The following CDH12 variants were observed in gnomAD, a reference collection of about 807,000 sequenced individuals.
The protein encoded by CDH12 is cadherin-12.
In CDH12, 41 loss-of-function variants were observed where a neutral mutation model predicts 74.1. The observed-to-expected ratio is 0.55, with a 90% CI of 0.43 to 0.72. The LOEUF is 0.72. Ranked by LOEUF, CDH12 falls within the 30% of genes least tolerant of loss-of-function variation. The pLI is 0.00. For synonymous variants in CDH12, 399 were observed against 355.0 expected (o/e 1.12, Z -1.39); for missense variants, 945 against 977.2 (o/e 0.97, Z 0.44).
chr5:22,667,177 T>G (rs1189202965), intron 1 of CDH12, among the ~76,000 whole-genome samples: 2 of 152,224 alleles, frequency 1.3e-5, no homozygotes, highest in Non-Finnish European at 2.9e-5. Context: ...AAATTTCTTC[T>G]TTTTTCTTCT....
chr5:21,941,692 T>C (rs951653205), intron 6 of CDH12, among the ~76,000 whole-genome samples: 8 of 152,086 alleles, frequency 5.3e-5, no homozygotes, highest in Admixed American at 6.6e-5. Flanking sequence ...AAGAGAGAGA[T>C]ATTAAGTGAC....
intron 6 of CDH12, among the ~76,000 whole-genome samples, chr5:21,937,975 T>C (rs1755150112): frequency 6.6e-6 from 1 of 152,302 alleles, no homozygotes; most frequent in Admixed American, 6.5e-5. Context: ...AGCCTTTTCC[T>C]GACCTTCCAT....
At chr5:21,877,966 G>A (rs1016225003) in intron 6 of CDH12, among the ~76,000 whole-genome samples, 8 of 152,196 alleles carry the variant, frequency 5.3e-5, no homozygotes, top group African/African-American at 1.9e-4. Flanking sequence ...GAAGGCAAGT[G>A]AACTTGATAC....
intron 5 of CDH12, among the ~76,000 whole-genome samples, chr5:22,013,919 T>C (rs1158008310): frequency 1.3e-5 from 2 of 152,094 alleles, no homozygotes; most frequent in Non-Finnish European, 2.9e-5. Flanking sequence ...GAGTGAGAAA[T>C]TGCCTTATAA....
chr5:22,591,757 T>C (rs1736336439), intron 1 of CDH12, among the ~76,000 whole-genome samples: 2 of 152,144 alleles, frequency 1.3e-5, no homozygotes, highest in African/African-American at 2.4e-5. Flanking sequence ...TTTATAGATA[T>C]TGTATATTAT....
At chr5:22,641,753 C>T (rs143319442) in intron 1 of CDH12, among the ~76,000 whole-genome samples, 1 of 152,164 alleles carries the variant, frequency 6.6e-6, no homozygotes, top group Non-Finnish European at 1.5e-5. Context: ...GTGGCTTATA[C>T]TAAAAAGATA....
At chr5:22,526,019 T>A (rs1362368821) in intron 1 of CDH12, among the ~76,000 whole-genome samples, 1 of 152,316 alleles carries the variant, frequency 6.6e-6, no homozygotes, top group East Asian at 1.9e-4. Flanking sequence ...TTATCTCTAC[T>A]GGTCTGCCTT....
intron 3 of CDH12, among the ~76,000 whole-genome samples, chr5:22,238,839 G>A (rs936154876): frequency 6.6e-6 from 1 of 152,120 alleles, no homozygotes; most frequent in Non-Finnish European, 1.5e-5. Context: ...TTGGGCTTTA[G>A]GGAAAGCTCC....
chr5:22,413,569 A>T (rs1031708701), intron 2 of CDH12, among the ~76,000 whole-genome samples: 9 of 152,060 alleles, frequency 5.9e-5, no homozygotes, highest in Non-Finnish European at 1.0e-4. Context: ...ACGGGCAGTG[A>T]GGATGCAGAC....
At chr5:22,124,007 T>A (rs979493138) in intron 4 of CDH12, among the ~76,000 whole-genome samples, 4 of 151,656 alleles carry the variant, frequency 2.6e-5, no homozygotes, top group South Asian at 2.1e-4. Flanking sequence ...TCGCTCTGTC[T>A]CCCAGGCTGG....
intron 12 of CDH12, 29 bp from the exon 13 acceptor site, chr5:21,760,704 C>A: frequency 1.5e-6 from 2 of 1,338,420 alleles, no homozygotes; most frequent in South Asian, 2.4e-5. Flanking sequence ...TAAAGTCGGT[C>A]ATCAGTTTCA....
intron 3 of CDH12, among the ~76,000 whole-genome samples, chr5:22,240,395 C>T (rs7443505): frequency 2.0e-5 from 3 of 151,822 alleles, no homozygotes; most frequent in East Asian, 3.9e-4. Context: ...ACCAGGCATG[C>T]GAGAAAGGAG....
chr5:21,762,984 G>T (rs1579654268), intron 12 of CDH12, among the ~76,000 whole-genome samples: 2 of 151,272 alleles, frequency 1.3e-5, no homozygotes, highest in Admixed American at 6.6e-5. Flanking sequence ...ACCAAATCAG[G>T]TTATTTATTC....
intron 9 of CDH12, among the ~76,000 whole-genome samples, chr5:21,807,236 T>C (rs1446808336): frequency 1.3e-5 from 2 of 152,148 alleles, no homozygotes; most frequent in Non-Finnish European, 2.9e-5. Context: ...TACACCCTTA[T>C]GATGACATCC....
chr5:22,772,597 C>T (rs895507115), intron 1 of CDH12, among the ~76,000 whole-genome samples: 6 of 151,924 alleles, frequency 3.9e-5, no homozygotes, highest in Non-Finnish European at 7.4e-5. Flanking sequence ...GTATCTCACA[C>T]GTTTTTTTTA....
chr5:21,831,630 T>A (rs1171626917), intron 8 of CDH12, among the ~76,000 whole-genome samples: 1 of 151,748 alleles, frequency 6.6e-6, no homozygotes, highest in East Asian at 1.9e-4. Context: ...TATGGGGAGA[T>A]CACAGCCAGA....
At chr5:22,404,764 C>A (rs571030931) in intron 3 of CDH12, among the ~76,000 whole-genome samples, 1 of 152,106 alleles carries the variant, frequency 6.6e-6, no homozygotes, top group African/African-American at 2.4e-5. Context: ...GGAATGCCAG[C>A]GTTTCTGTGT....
At chr5:22,248,889 T>C (rs1324023500) in intron 3 of CDH12, among the ~76,000 whole-genome samples, 1 of 152,020 alleles carries the variant, frequency 6.6e-6, no homozygotes, top group Non-Finnish European at 1.5e-5. Flanking sequence ...TATAAAAATA[T>C]TCAGAACAAA....
chr5:22,810,760 G>C (rs1017129522), intron 1 of CDH12, among the ~76,000 whole-genome samples: 7 of 152,028 alleles, frequency 4.6e-5, no homozygotes, highest in African/African-American at 1.7e-4. Flanking sequence ...ACGCATGTAG[G>C]CATGTACCAG....
Sources: gnomAD v4.1 joint callset for allele counts (sites outside exome capture counted in the v4.1 genomes callset) on GRCh38, gnomAD v4.1.1 for gene constraint, MANE v1.5 for transcripts, NCBI Gene and HGNC (gene_info 2026-07-23, HGNC 2026-07-21) for gene names.